The following OR51B5 variants were observed in gnomAD, a reference collection of about 807,000 sequenced individuals.
OR51B5 encodes the protein olfactory receptor 51B5.
For missense variants in OR51B5, 456 were observed against 374.6 expected (o/e 1.22, Z -1.79); for synonymous variants, 186 against 144.8 (o/e 1.28, Z -2.04).
chr11:5,436,201 G>A (rs774532174), intron 1 of OR51B5, among the ~76,000 whole-genome samples: 18 of 152,158 alleles, frequency 1.2e-4, no homozygotes, highest in Non-Finnish European at 2.6e-4. Flanking sequence ...CAGTAGAGAC[G>A]GGTTGGGATC....
At chr11:5,445,237 A>G (rs1432030276) in intron 1 of OR51B5, among the ~76,000 whole-genome samples, 1 of 152,196 alleles carries the variant, frequency 6.6e-6, no homozygotes, top group Non-Finnish European at 1.5e-5. Flanking sequence ...TTTTAAATAC[A>G]TTTCCCTGCT....
intron 1 of OR51B5, among the ~76,000 whole-genome samples, chr11:5,412,680 C>A (rs1304096282): frequency 6.6e-6 from 1 of 152,156 alleles, no homozygotes; most frequent in Admixed American, 6.5e-5. Context: ...GACGGAGTCT[C>A]GCTGATTCCT....
At chr11:5,406,912 AG>A (rs1257441651) in intron 1 of OR51B5, among the ~76,000 whole-genome samples, 1 of 152,136 alleles carries the variant, frequency 6.6e-6, no homozygotes, top group Non-Finnish European at 1.5e-5. Flanking sequence ...CAACTGTCAG[AG>A]CTACAAAAAT....
intron 1 of OR51B5, among the ~76,000 whole-genome samples, chr11:5,487,825 A>C (rs1378041399): frequency 2.0e-5 from 3 of 152,176 alleles, no homozygotes; most frequent in African/African-American, 7.2e-5. Context: ...TGAGTGCAGT[A>C]TCCTCAACAA....
At chr11:5,383,508 G>A (rs901475816) in intron 1 of OR51B5, among the ~76,000 whole-genome samples, 19 of 152,150 alleles carry the variant, frequency 1.2e-4, no homozygotes, top group African/African-American at 2.4e-5. Context: ...GGAAAACGAC[G>A]GGTCCATTAC....
chr11:5,483,587 A>G (rs1045191518), intron 1 of OR51B5, among the ~76,000 whole-genome samples: 1 of 151,826 alleles, frequency 6.6e-6, no homozygotes, highest in Non-Finnish European at 1.5e-5. Flanking sequence ...GAAGACAAGG[A>G]AAGAAGTGAA....
Position 5,415,099 on chromosome 11 carries a change from C to G in OR51B5, n.85-68189G>C, listed in dbSNP as rs545895663. ...TCTCTCAGACCACAGTGCAATCAAA[C>G]TAGAACTCAGCATTAAGAAACTCAC... On this transcript the variant is annotated intron_variant and non_coding_transcript_variant, in intron 1 of 4. Coordinates refer to the OR51B5 transcript ENST00000415970. Among the ~76,000 whole-genome samples the G allele has an allele frequency of 7.9e-5, 12 of 152,260 alleles. No individual in the cohort carries two copies. In the South Asian group the frequency reaches 2.3e-3, roughly 29 times the overall value.
intron 1 of OR51B5, among the ~76,000 whole-genome samples, chr11:5,459,123 A>T (rs899085283): frequency 6.6e-6 from 1 of 152,162 alleles, no homozygotes; most frequent in African/African-American, 2.4e-5. Context: ...TTGAGGTATA[A>T]TCCTTCAATA....
chr11:5,385,078 T>G (rs1159317437), intron 1 of OR51B5, among the ~76,000 whole-genome samples: 3 of 152,230 alleles, frequency 2.0e-5, no homozygotes, highest in Non-Finnish European at 4.4e-5. Context: ...AGCCAATTAC[T>G]CATTGTATAC....
At chr11:5,397,913 A>G (rs1257638555) in intron 1 of OR51B5, among the ~76,000 whole-genome samples, 2 of 148,490 alleles carry the variant, frequency 1.3e-5, no homozygotes, top group Non-Finnish European at 3.0e-5. Context: ...GACATGGATG[A>G]AGCTGGAAAC....
intron 1 of OR51B5, among the ~76,000 whole-genome samples, chr11:5,437,933 GATGTA>G (rs1294376418): frequency 6.6e-6 from 1 of 152,156 alleles, no homozygotes; most frequent in Non-Finnish European, 1.5e-5. Flanking sequence ...GGAAATAGAA[GATGTA>G]ATGTTCTCTT....
At chr11:5,455,605 G>GAGAAAGAGAAAAAGAA (rs1564819368) in intron 1 of OR51B5, 210 of 141,898 alleles carry the variant, frequency 1.5e-3, no homozygotes, top group African/African-American at 5.2e-3. Context: ...GAGAAAAAGA[G>GAGAAAGAGAAAAAGAA]AAAGAGAAAG....
At chr11:5,459,570 A>G (rs2133792543) in intron 1 of OR51B5, among the ~76,000 whole-genome samples, 1 of 152,360 alleles carries the variant, frequency 6.6e-6, no homozygotes, top group South Asian at 2.1e-4. Flanking sequence ...TGGGCAAAAG[A>G]CATGAACAGA....
At chr11:5,349,404 G>GT (rs10688772) in intron 1 of OR51B5, among the ~76,000 whole-genome samples, 45,404 of 150,442 alleles carry the variant, frequency 0.3, 7,086 homozygotes, top group Non-Finnish European at 0.35. Flanking sequence ...TCCTACTCCT[G>GT]TTTTTTTTTA....
At chr11:5,389,311 G>C in intron 1 of OR51B5, 1 of 1,251,250 alleles carries the variant, frequency 8.0e-7, no homozygotes, top group Non-Finnish European at 1.1e-6. Context: ...TGATGACCAT[G>C]GTACTGCTTG....
At chr11:5,363,641 G>T (rs1056191082) in intron 1 of OR51B5, among the ~76,000 whole-genome samples, 7 of 152,094 alleles carry the variant, frequency 4.6e-5, no homozygotes, top group African/African-American at 1.7e-4. Context: ...AGATTATATT[G>T]TCTGGAATCT....
chr11:5,374,890 C>T (rs1302617087), intron 1 of OR51B5, among the ~76,000 whole-genome samples: 1 of 151,884 alleles, frequency 6.6e-6, no homozygotes, highest in African/African-American at 2.4e-5. Context: ...GAGAATCGAA[C>T]CAAGTTGGAA....
At chr11:5,415,655 C>G (rs1212288415) in intron 1 of OR51B5, among the ~76,000 whole-genome samples, 2 of 152,156 alleles carry the variant, frequency 1.3e-5, no homozygotes, top group East Asian at 1.9e-4. Flanking sequence ...CACCTCTATG[C>G]AAATAAACTA....
chr11:5,440,653 T>C (rs754807408), intron 1 of OR51B5: 2 of 1,613,844 alleles, frequency 1.2e-6, no homozygotes, highest in South Asian at 2.2e-5. Flanking sequence ...GGGTTGAGCA[T>C]GGGTGGTACA....
Sources: gnomAD v4.1 joint callset for allele counts (sites outside exome capture counted in the v4.1 genomes callset) on GRCh38, gnomAD v4.1.1 for gene constraint, MANE v1.5 for transcripts, NCBI Gene and HGNC (gene_info 2026-07-23, HGNC 2026-07-21) for gene names.